Variants in CCSER1 observed in about 807,000 individuals in gnomAD.
CCSER1 encodes serine-rich coiled-coil domain-containing protein 1.
CCSER1 carries 41 observed loss-of-function variants against 82.0 expected under a neutral mutation model. That is an observed-to-expected ratio of 0.50 (90% CI 0.39 to 0.65). The LOEUF (loss-of-function observed/expected upper bound fraction) is 0.65, where lower values mean the gene tolerates loss of function less well. CCSER1 is among the 30% of genes least tolerant of loss of function. CCSER1 has a pLI of 0.00. For synonymous variants in CCSER1, 414 were observed against 383.9 expected (o/e 1.08, Z -0.92); for missense variants, 1,119 against 1,064.2 (o/e 1.05, Z -0.72).
At chr4:90,534,663 A>G (rs1309966784) in intron 5 of CCSER1, among the ~76,000 whole-genome samples, 1 of 152,210 alleles carries the variant, frequency 6.6e-6, no homozygotes, top group Non-Finnish European at 1.5e-5. Flanking sequence ...GCTTAACATT[A>G]ATCTTTACTT....
At chr4:91,427,293 G>C (rs1337165673) in intron 10 of CCSER1, among the ~76,000 whole-genome samples, 1 of 152,088 alleles carries the variant, frequency 6.6e-6, no homozygotes, top group African/African-American at 2.4e-5. Flanking sequence ...CCATCCTGCT[G>C]TCTTATCCTG....
At chr4:90,349,656 T>C (rs1743064257) in intron 3 of CCSER1, among the ~76,000 whole-genome samples, 1 of 152,156 alleles carries the variant, frequency 6.6e-6, no homozygotes, top group South Asian at 2.1e-4. Context: ...CATTACTCTC[T>C]GCTTTCCTAA....
intron 7 of CCSER1, among the ~76,000 whole-genome samples, chr4:90,771,933 T>A (rs985005801): frequency 1.3e-5 from 2 of 152,138 alleles, no homozygotes; most frequent in African/African-American, 4.8e-5. Context: ...AGTATAAATT[T>A]TGTCTATATG....
intron 3 of CCSER1, among the ~76,000 whole-genome samples, chr4:90,338,008 G>T (rs949730578): frequency 2.0e-5 from 3 of 152,138 alleles, no homozygotes; most frequent in African/African-American, 7.2e-5. Context: ...TTAGTTGAAG[G>T]CAGGATCTGA....
Position 91,006,001 on chromosome 4 carries a change from A to G in CCSER1, c.2173-79949A>G, listed in dbSNP as rs368300669. ...TTATAAGTTTATTTTGAAATCAGAT[A>G]GCATGATACCTCTAACATTTTTTCT... On this transcript the variant is annotated intron_variant, in intron 9 of 10. Transcript: ENST00000509176. 2.6e-5 allele frequency among the ~76,000 whole-genome samples: 4 copies of G among 152,178 alleles called. 1 individual carries two copies. The East Asian group carries it at 5.8e-4, about 22-fold the overall frequency.
intron 10 of CCSER1, among the ~76,000 whole-genome samples, chr4:91,391,555 C>T (rs1164914397): frequency 6.6e-6 from 1 of 152,116 alleles, no homozygotes; most frequent in Non-Finnish European, 1.5e-5. Flanking sequence ...CCCGCCATGT[C>T]CTCCCAAAGT....
intron 6 of CCSER1, among the ~76,000 whole-genome samples, chr4:90,714,482 A>G (rs1049958596): frequency 6.7e-6 from 1 of 150,150 alleles, no homozygotes; most frequent in Admixed American, 6.7e-5. Flanking sequence ...GAACTGAGGG[A>G]TATGAAGATT....
At chr4:90,205,303 C>T (rs1177617883) in intron 1 of CCSER1, among the ~76,000 whole-genome samples, 2 of 152,116 alleles carry the variant, frequency 1.3e-5, no homozygotes, top group Admixed American at 1.3e-4. Context: ...AGCTTTTGCC[C>T]ATTCAGTATG....
rs1740732183 is a variant in CCSER1, at chr4:90,712,144, C to A, written c.1933-11770C>A. Among the ~76,000 whole-genome samples, 3 of 151,924 alleles carry A rather than the reference C, an allele frequency of 2.0e-5. No homozygotes were observed. In the South Asian group the frequency reaches 6.2e-4, roughly 31 times the overall value. ...TTGAAGTGTTTGTCACAGTCTGCTT[C>A]AGTGCAGCTCTGATTTTGGTTATTT... On this transcript the variant is annotated intron_variant, in intron 6 of 10. Coordinates refer to ENST00000509176, the MANE Select transcript of CCSER1 (RefSeq NM_001145065.2).
intron 10 of CCSER1, among the ~76,000 whole-genome samples, chr4:91,415,038 C>G (rs531109093): frequency 6.6e-6 from 1 of 152,014 alleles, no homozygotes; most frequent in Non-Finnish European, 1.5e-5. Context: ...GACACAAAAC[C>G]TATAAGGAAG....
At chr4:91,251,440 G>C (rs1189854135) in intron 10 of CCSER1, among the ~76,000 whole-genome samples, 1 of 152,046 alleles carries the variant, frequency 6.6e-6, no homozygotes, top group Non-Finnish European at 1.5e-5. Context: ...TTGTGGGGAG[G>C]GGACACAAGT....
At chr4:90,660,607 G>T (rs1730593253) in intron 6 of CCSER1, among the ~76,000 whole-genome samples, 2 of 152,034 alleles carry the variant, frequency 1.3e-5, no homozygotes, top group South Asian at 4.1e-4. Context: ...TGTTGGTTCT[G>T]TTAAACAGGA....
chr4:90,408,194 T>C (rs760149402), intron 4 of CCSER1, among the ~76,000 whole-genome samples: 1 of 152,174 alleles, frequency 6.6e-6, no homozygotes, highest in Non-Finnish European at 1.5e-5. Flanking sequence ...CTCTGTAGGC[T>C]CCACCTATGG....
At chr4:91,223,014 A>G (rs528106661) in intron 10 of CCSER1, among the ~76,000 whole-genome samples, 10 of 152,164 alleles carry the variant, frequency 6.6e-5, no homozygotes, top group African/African-American at 2.4e-4. Context: ...GATTTATAAG[A>G]TATTAGTTGA....
In CCSER1 at chr4:90,771,565, TAAA is replaced by T. The variant is rs34848155; in HGVS notation, c.2011-44182_2011-44180del. On this transcript the variant is annotated intron_variant, in intron 7 of 10. Transcript: ENST00000509176. ...ATTTTATTTAGAAAATGCCGGGCAC[TAAA>T]AAAAAAAAAAAAAAGAAAAGAAAAA... Among the ~76,000 whole-genome samples the T allele has an allele frequency of 1.7e-4, 17 of 98,308 alleles. No homozygotes were observed. The South Asian group carries it at 2.1e-3, about 12-fold the overall frequency. 64.5% of individuals were successfully genotyped at this position (98,308 alleles called of 152,430 possible).
intron 10 of CCSER1, among the ~76,000 whole-genome samples, chr4:91,260,690 T>C (rs371309919): frequency 2.4e-4 from 36 of 152,328 alleles, no homozygotes; most frequent in Non-Finnish European, 3.4e-4. Flanking sequence ...ACAGGACTTA[T>C]TGTCTTGTTG....
chr4:91,404,460 C>T (rs1034970779), intron 10 of CCSER1, among the ~76,000 whole-genome samples: 1 of 152,094 alleles, frequency 6.6e-6, no homozygotes, highest in African/African-American at 2.4e-5. Flanking sequence ...TTTGCTCTTG[C>T]TTCTCTAGTT....
intron 6 of CCSER1, among the ~76,000 whole-genome samples, chr4:90,645,415 A>C (rs1394810193): frequency 1.3e-5 from 2 of 152,210 alleles, no homozygotes; most frequent in Non-Finnish European, 2.9e-5. Context: ...AAACAATTTT[A>C]ATTCATCTAT....
chr4:90,874,458 G>A (rs1203404356), intron 8 of CCSER1, among the ~76,000 whole-genome samples: 1 of 151,824 alleles, frequency 6.6e-6, no homozygotes, highest in African/African-American at 2.4e-5. Context: ...TCTCACCATG[G>A]GGTTTCTATT....
Sources: allele counts gnomAD v4.1 joint callset (sites outside exome capture counted in the v4.1 genomes callset), GRCh38; gene constraint gnomAD v4.1.1; transcripts MANE v1.5; gene names NCBI Gene and HGNC (gene_info 2026-07-23, HGNC 2026-07-21).